Variants in PDCD7 observed in about 807,000 individuals in gnomAD.
The protein encoded by PDCD7 is programmed cell death 7.
In PDCD7, 40 loss-of-function variants were observed where a neutral mutation model predicts 42.1. That is an observed-to-expected ratio of 0.95 (90% CI 0.74 to 1.24). The LOEUF (loss-of-function observed/expected upper bound fraction) is 1.24, where lower values mean the gene tolerates loss of function less well. Ranked by LOEUF, PDCD7 falls within the 50% of genes most tolerant of loss-of-function variation. PDCD7 has a pLI of 0.00. For synonymous variants in PDCD7, 299 were observed against 303.3 expected, an observed-to-expected ratio of 0.99 and a Z score of 0.15; for missense variants, 644 against 662.8, an observed-to-expected ratio of 0.97 and a Z score of 0.31.
rs955221685 is a variant in PDCD7, at chr15:65,133,710, A to G, written c.72T>C (p.Pro24=). Residue 24 remains proline, a synonymous_variant, in exon 1 of 5, where the codon CCT becomes CCC. Coordinates refer to ENST00000204549, the MANE Select transcript of PDCD7 (RefSeq NM_005707.2). ...PPPPQPPPPA[P]FGCPPPPLPS... is the part of the protein sequence containing the mutation. ...GCAGCGGCGGTGGCGGACAGCCGAA[A>G]GGAGCAGGAGGCGGCGGCTGCGGGG... 7.7e-7 allele frequency: 1 copy of G among 1,291,968 alleles called. No individual in the cohort carries two copies. The highest frequency in any genetic ancestry group is 9.9e-7 in the Non-Finnish European group (1 of 1,013,474). The allele number at this position is 1,291,968 out of a possible 1,614,324, so 80.0% of individuals were successfully genotyped here. A position where few individuals can be genotyped will look rare whatever the true frequency, so the allele number is the denominator to read the frequency against.
At chr15:65,126,069 G>A (rs1422336641) in intron 2 of PDCD7, among the ~76,000 whole-genome samples, 4 of 151,936 alleles carry the variant, frequency 2.6e-5, no homozygotes, top group Admixed American at 1.3e-4. Context: ...TCCCTCCGAC[G>A]ACATGTGGGA....
rs376955346 is a variant in PDCD7, at chr15:65,119,390, C to T, written c.1320G>A (p.Ala440=). 10 of 1,613,106 alleles carry T rather than the reference C, an allele frequency of 6.2e-6. No homozygotes were observed. The highest frequency in any genetic ancestry group is 2.2e-5 in the East Asian group (1 of 44,892). ...YYLQAEHSLP[A]LIQIRHDWDQ... Reference sequence around the variant, plus strand: ...GCCCCTCTGACCTGATCTGGATGAGCGCTGGCAGGGAGTGCTCGGCTTGGA... The same window carrying T: ...GCCCCTCTGACCTGATCTGGATGAGTGCTGGCAGGGAGTGCTCGGCTTGGA... Residue 440 remains alanine (A), a synonymous_variant, in exon 4 of 5, where the codon GCG becomes GCA. Transcript: ENST00000204549.
intron 2 of PDCD7, among the ~76,000 whole-genome samples, chr15:65,127,513 A>G (rs558864996): frequency 4.6e-5 from 7 of 152,108 alleles, no homozygotes; most frequent in African/African-American, 9.6e-5. Flanking sequence ...AGCTTTAAGT[A>G]TAAGTGAGAA....
At chr15:65,126,755 TAA>T (rs1322280768) in intron 2 of PDCD7, among the ~76,000 whole-genome samples, 4 of 128,362 alleles carry the variant, frequency 3.1e-5, no homozygotes, top group African/African-American at 5.8e-5. Context: ...CCCTGTCTTT[TAA>T]AAAAAAAAAA....
intron 2 of PDCD7, among the ~76,000 whole-genome samples, chr15:65,122,273 C>G (rs1031345908): frequency 6.6e-6 from 1 of 151,844 alleles, no homozygotes; most frequent in African/African-American, 2.4e-5. Context: ...GAGGTGGAGG[C>G]TGCAGTGAGC....
chr15:65,131,946 T>A (rs1384085633), intron 1 of PDCD7, among the ~76,000 whole-genome samples: 1 of 151,912 alleles, frequency 6.6e-6, no homozygotes, highest in East Asian at 1.9e-4. Context: ...CCTGTAAAAT[T>A]AGCATAATAC....
rs1296509898 is a variant in PDCD7, at chr15:65,133,731, CG to C, written c.50del (p.Pro17ArgfsTer175). On this transcript the variant is annotated frameshift_variant, in exon 1 of 5. Coordinates refer to ENST00000204549, the MANE Select transcript of PDCD7 (RefSeq NM_005707.2). LOFTEE classifies it high-confidence loss of function. ...FGQGRPGPPP[P>X]QPPPPAPFGC... ...CGAAAGGAGCAGGAGGCGGCGGCTGCGGGGGCGGTGGGCCTGGGCGACCCTG... is the reference window on the plus strand; with the variant it reads ...CGAAAGGAGCAGGAGGCGGCGGCTGCGGGGCGGTGGGCCTGGGCGACCCTG... 7.6e-7 allele frequency: 1 copy of C among 1,307,624 alleles called. No homozygotes were observed. The highest frequency in any genetic ancestry group is 9.8e-7 in the Non-Finnish European group (1 of 1,022,534). The allele number at this position is 1,307,624 out of a possible 1,614,324, so 81.0% of individuals were successfully genotyped here. A position where few individuals can be genotyped will look rare whatever the true frequency, so the allele number is the denominator to read the frequency against.
intron 2 of PDCD7, among the ~76,000 whole-genome samples, chr15:65,123,368 A>G (rs950493209): frequency 2.0e-5 from 3 of 152,062 alleles, no homozygotes; most frequent in African/African-American, 7.2e-5. Flanking sequence ...CTGTATTTTT[A>G]GTAGAGACAG....
intron 2 of PDCD7, among the ~76,000 whole-genome samples, chr15:65,122,325 G>A (rs2140579822): frequency 6.6e-6 from 1 of 151,440 alleles, no homozygotes; most frequent in South Asian, 2.1e-4. Context: ...GACAGAGCAA[G>A]ACTCTTATCT....
At chr15:65,128,742 T>G (rs2087516324) in intron 2 of PDCD7, among the ~76,000 whole-genome samples, 1 of 152,144 alleles carries the variant, frequency 6.6e-6, no homozygotes, top group South Asian at 2.1e-4. Context: ...ACAAGCCCAC[T>G]CAGAAGAGTG....
intron 2 of PDCD7, among the ~76,000 whole-genome samples, chr15:65,123,058 C>T (rs1308645348): frequency 1.3e-5 from 2 of 151,856 alleles, no homozygotes; most frequent in South Asian, 2.1e-4. Flanking sequence ...TGAATACTTT[C>T]AAGACTAACA....
Position 65,133,627 on chromosome 15 carries a change from G to C in PDCD7, c.155C>G (p.Ser52Cys). 1 of 1,250,520 alleles carries C rather than the reference G, an allele frequency of 8.0e-7. No individual in the cohort carries two copies. The highest frequency in any genetic ancestry group is 1.0e-6 in the Non-Finnish European group (1 of 994,966). 77.5% of individuals were successfully genotyped at this position (1,250,520 alleles called of 1,614,324 possible). A position where few individuals can be genotyped will look rare whatever the true frequency, so the allele number is the denominator to read the frequency against. The change falls in exon 1 of 5, where the codon TCC becomes TGC. Residue 52 changes from serine (S) to cysteine (C), a missense_variant. Transcript: ENST00000204549. The stretch of plus-strand genomic sequence containing the variant: ...CAGCGGAGGCTGAAGGAAGGGGGCG[G>C]AGGCCCCCGGAAAAGGGCCGGGCCG... ...PQRPGPFPGASAPFLQPPLAL... is the reference protein window; with the variant it reads ...PQRPGPFPGACAPFLQPPLAL...
intron 4 of PDCD7, 173 bp downstream of exon 4, chr15:65,119,203 G>A: frequency 1.8e-6 from 1 of 563,230 alleles, no homozygotes; most frequent in Non-Finnish European, 3.2e-6. Flanking sequence ...GACTAAACAA[G>A]ATGTATGCAG....
At chr15:65,129,196 A>C in intron 1 of PDCD7, 26 bp from the exon 2 acceptor site, 1 of 1,611,488 alleles carries the variant, frequency 6.2e-7, no homozygotes, top group Non-Finnish European at 8.5e-7. Flanking sequence ...AGCCCATGAG[A>C]CCTCGTATTA....
At position 65,129,089 on chromosome 15, in the gene PDCD7, T is replaced by A; in HGVS notation, c.952A>T (p.Ile318Phe). Reference sequence around the variant, plus strand: ...CTCAATTTCTCCAAAGCCCGTAGAATGTCCACCATTCTTTTGGTATCTGCT... The same window carrying A: ...CTCAATTTCTCCAAAGCCCGTAGAAAGTCCACCATTCTTTTGGTATCTGCT... ...KQADTKRMVDILRALEKLRKL... is the reference protein window; with the variant it reads ...KQADTKRMVDFLRALEKLRKL... Residue 318 changes from isoleucine (I) to phenylalanine (F), a missense_variant, in exon 2 of 5, where the codon ATT becomes TTT. Ile to Phe is a conservative substitution (Grantham distance 21). Coordinates refer to ENST00000204549, the MANE Select transcript of PDCD7 (RefSeq NM_005707.2). 6.2e-7 allele frequency: 1 copy of A among 1,614,096 alleles called. No homozygotes were observed. The highest frequency in any genetic ancestry group is 1.3e-5 in the African/African-American group (1 of 75,056).
At chr15:65,123,000 C>G (rs1434433348) in intron 2 of PDCD7, among the ~76,000 whole-genome samples, 2 of 148,798 alleles carry the variant, frequency 1.3e-5, no homozygotes, top group Admixed American at 6.7e-5. Context: ...GAAACTCTGT[C>G]TCAAAAAAAA....
In PDCD7 at chr15:65,117,534, A is replaced by G. The variant is rs1380009698; in HGVS notation, c.*1183T>C. 1 of 151,624 alleles carries G rather than the reference A, an allele frequency of 6.6e-6. No individual in the cohort carries two copies. Among genetic ancestry groups the G allele is most frequent in the East Asian group, 1.9e-4 (1 of 5,180 alleles). 9.4% of individuals were successfully genotyped at this position (151,624 alleles called of 1,614,324 possible). A position where few individuals can be genotyped will look rare whatever the true frequency, so the allele number is the denominator to read the frequency against. On this transcript the variant is annotated 3_prime_UTR_variant, in exon 5 of 5. Transcript: ENST00000204549. ...TTAATGAATATAAAAAATAAATTTT[A>G]CTTTTTTTTTTTTTGAGACGGAGTC...
chr15:65,123,312 C>T (rs181804467), intron 2 of PDCD7, among the ~76,000 whole-genome samples: 1 of 152,130 alleles, frequency 6.6e-6, no homozygotes, highest in African/African-American at 2.4e-5. Flanking sequence ...CTCAGCCTCC[C>T]GAGTAGCTGG....
chr15:65,133,061 T>C lies in PDCD7; in HGVS notation c.721A>G (p.Arg241Gly). 3.2e-6 allele frequency: 5 copies of C among 1,584,324 alleles called. No homozygotes were observed. Among genetic ancestry groups the C allele is most frequent in the Non-Finnish European group, 4.3e-6 (5 of 1,171,668 alleles). The change falls in exon 1 of 5, where the codon AGG becomes GGG. Residue 241 changes from arginine (R) to glycine (G), a missense_variant. Transcript: ENST00000204549. ...AGCCGCAGCCGGCGGCGCCGGACCC[T>C]CTCCAGCCTCCTCCGCGCCTCGCCC... is the stretch of plus-strand genomic sequence containing the variant. ...YVGEARRRLERVRRRRLRLRE... is the reference protein window; with the variant it reads ...YVGEARRRLEGVRRRRLRLRE...
Sources: gnomAD v4.1 joint callset for allele counts (sites outside exome capture counted in the v4.1 genomes callset) on GRCh38, gnomAD v4.1.1 for gene constraint, MANE v1.5 for transcripts, NCBI Gene and HGNC (gene_info 2026-07-23, HGNC 2026-07-21) for gene names.